LMNTD2: variants seen among roughly 807,000 people sequenced by gnomAD.
The protein encoded by LMNTD2 is lamin tail domain-containing protein 2.
Under a neutral mutation model 70.1 loss-of-function variants are expected in LMNTD2, and 83 were observed. The observed-to-expected ratio is 1.18, with a 90% CI of 0.99 to 1.42. LMNTD2 has a LOEUF of 1.42. Among genes scored for constraint, LMNTD2 ranks in the 40% most tolerant of loss-of-function variants. The probability of loss-of-function intolerance (pLI) is 0.00; values close to 1 mark genes in which losing one functional copy is unlikely to be tolerated. For missense variants in LMNTD2, 1,153 were observed against 905.9 expected (o/e 1.27, Z -3.50); for synonymous variants, 534 against 406.1 (o/e 1.31, Z -3.79).
Position 558,037 on chromosome 11 carries a change from C to G in LMNTD2, c.402G>C (p.Glu134Asp). The part of the protein sequence containing the change: ...LKEQKERAQW[E>D]KEHLEERLLQ... ...GCAGCCGCTCCTCCAGGTGCTCCTTCTCCTGCTCCGAGAGGGCCTGTGGTT... is the reference window on the plus strand; with the variant it reads ...GCAGCCGCTCCTCCAGGTGCTCCTTGTCCTGCTCCGAGAGGGCCTGTGGTT... The change falls in exon 5 of 14, where the codon GAG (glutamate) becomes GAC (aspartate). Residue 134 changes from glutamate to aspartate, a missense_variant and splice_region_variant. By Grantham distance (45) the Glu-to-Asp change is conservative (BLOSUM62 2). Coordinates refer to ENST00000329451, the MANE Select transcript of LMNTD2 (RefSeq NM_173573.3). 1.3e-6 allele frequency: 2 copies of G among 1,581,210 alleles called. No individual in the cohort carries two copies. Among genetic ancestry groups the G allele is most frequent in the Non-Finnish European group, 1.7e-6 (2 of 1,162,118 alleles).
intron 9 of LMNTD2, 34 bp from the exon 10 acceptor site, chr11:556,409 G>T: frequency 6.5e-7 from 1 of 1,540,822 alleles, no homozygotes; most frequent in Non-Finnish European, 8.7e-7. Context: ...AGGAGATGCG[G>T]CCGGTCCACC....
rs1321896851 is a variant in LMNTD2 at position 555,380 on chromosome 11, G to A, written c.1698C>T (p.Pro566=). ...PQHLPAIPGD[P]TLPSPPAEAG... The stretch of plus-strand genomic sequence containing the variant: ...CCTCTGCGGGAGGCGACGGCAGGGT[G>A]GGGTCACCCGGGATGGCGGGCAGGT... The change falls in exon 13 of 14, where the codon CCC becomes CCT. Residue 566 remains proline, a synonymous_variant. Transcript: ENST00000329451. 1.4e-6 allele frequency: 2 copies of A among 1,414,422 alleles called. No homozygotes were observed. The highest frequency in any genetic ancestry group is 3.1e-5 in the Admixed American group (1 of 32,102). The allele number at this position is 1,414,422 out of a possible 1,614,324, so 87.6% of individuals were successfully genotyped here.
chr11:558,411 G>A (rs1369633069), intron 3 of LMNTD2, 163 bp from the exon 4 acceptor site: 4 of 1,071,710 alleles, frequency 3.7e-6, no homozygotes, highest in Admixed American at 2.8e-5. Flanking sequence ...GGCTGGTCTG[G>A]ACAAGGGTCT....
At position 555,354 on chromosome 11, in the gene LMNTD2, G is replaced by C. The variant is rs377072542; in HGVS notation, c.1724C>G (p.Ala575Gly). Residue 575 changes from alanine to glycine, a missense_variant, in exon 13 of 14, where the codon GCC becomes GGC. Transcript: ENST00000329451. The stretch of plus-strand genomic sequence containing the variant: ...CCGACAGTCCTCCAGGCCCAGCCCG[G>C]CCTCTGCGGGAGGCGACGGCAGGGT... ...DPTLPSPPAE[A>G]GLGLEDCRLQ... 2.0e-5 allele frequency: 29 copies of C among 1,423,348 alleles called. No individual in the cohort carries two copies. The highest frequency in any genetic ancestry group is 1.8e-6 in the Non-Finnish European group (2 of 1,091,824). The allele number at this position is 1,423,348 out of a possible 1,614,324, so 88.2% of individuals were successfully genotyped here.
At chr11:559,341 A>C (rs992292035) in intron 1 of LMNTD2, 6 of 1,358,400 alleles carry the variant, frequency 4.4e-6, no homozygotes, top group African/African-American at 1.5e-5. Context: ...TACCCCCAGC[A>C]CTCACCTGAG....
At position 558,713 on chromosome 11, in the gene LMNTD2, C is replaced by G. The variant is rs148047813; in HGVS notation, c.212G>C (p.Arg71Pro). 20 of 1,606,622 alleles carry G rather than the reference C, an allele frequency of 1.2e-5. No homozygotes were observed. The highest frequency in any genetic ancestry group is 2.7e-5 in the African/African-American group (2 of 74,834). Residue 71 changes from arginine (R) to proline (P), a missense_variant, in exon 3 of 14, where the codon CGA becomes CCA. Physicochemically the swap from Arg to Pro is moderately radical, Grantham distance 103 (BLOSUM62 -2). Coordinates refer to ENST00000329451, the MANE Select transcript of LMNTD2 (RefSeq NM_173573.3). ...PRTLRLLWRQ[R>P]ELEIQALRWA... is the part of the protein sequence containing the mutation. ...CCGCAAGGCCTGGATCTCCAGTTCT[C>G]GCTGTCTCCACAGCAGCCGCAGTGT...
intron 1 of LMNTD2, chr11:559,544 G>A (rs991597174): frequency 2.5e-6 from 3 of 1,221,644 alleles, no homozygotes; most frequent in South Asian, 2.8e-5. Flanking sequence ...CTTAGCGGGG[G>A]GACCACTTAG....
Position 560,680 on chromosome 11 carries a change from T to C in LMNTD2, c.34+3A>G. The C allele has an allele frequency of 2.8e-6, 4 of 1,435,986 alleles. No individual in the cohort carries two copies. Among genetic ancestry groups the C allele is most frequent in the Non-Finnish European group, 2.8e-6 (3 of 1,085,636 alleles). 89.0% of individuals were successfully genotyped at this position (1,435,986 alleles called of 1,614,324 possible). A position where few individuals can be genotyped will look rare whatever the true frequency, so the allele number is the denominator to read the frequency against. On this transcript the variant is annotated splice_donor_region_variant and intron_variant, in intron 1 of 13. Transcript: ENST00000329451. ...CGGCCCAGGAGCGGGGCCAGACACC[T>C]ACCCCGACGCCTGCCCGCGGGCCGC...
chr11:559,308 CTT>C (rs1241740132), intron 1 of LMNTD2: 16 of 1,416,008 alleles, frequency 1.1e-5, no homozygotes, highest in Middle Eastern at 1.9e-4. Flanking sequence ...CTTTCTCTCT[CTT>C]GTCCCCCCAG....
At position 558,058 on chromosome 11, in the gene LMNTD2, T is replaced by C; in HGVS notation, c.400-19A>G. 2 of 1,585,376 alleles carry C rather than the reference T, an allele frequency of 1.3e-6. No homozygotes were observed. The highest frequency in any genetic ancestry group is 8.6e-7 in the Non-Finnish European group (1 of 1,165,218). On this transcript the variant is annotated intron_variant, in intron 4 of 13. Transcript: ENST00000329451. Reference sequence around the variant, plus strand: ...CCTTCTCCTGCTCCGAGAGGGCCTGTGGTTGGTGGTGGGGGGGTGTCTTCT... The same window carrying C: ...CCTTCTCCTGCTCCGAGAGGGCCTGCGGTTGGTGGTGGGGGGGTGTCTTCT...
intron 1 of LMNTD2, 177 bp from the exon 2 acceptor site, chr11:559,156 G>A: frequency 6.8e-7 from 1 of 1,462,992 alleles, no homozygotes; most frequent in Non-Finnish European, 9.0e-7. Context: ...ACAGAGCGTT[G>A]CTCTCTGAAG....
chr11:559,526 C>T lies in LMNTD2; in HGVS notation c.35-547G>A, dbSNP rs7103770. ...GGAGGAGGTGTGAGAGGCTGAGCCACTGCTCAGCTTAGCGGGGGGACCACT... is the reference window on the plus strand; with the variant it reads ...GGAGGAGGTGTGAGAGGCTGAGCCATTGCTCAGCTTAGCGGGGGGACCACT... On this transcript the variant is annotated intron_variant, in intron 1 of 13. Coordinates refer to ENST00000329451, the MANE Select transcript of LMNTD2 (RefSeq NM_173573.3). 1,027 of 1,259,682 alleles carry T rather than the reference C, an allele frequency of 8.2e-4. 7 individuals carry two copies. The Middle Eastern group carries it at 0.014, about 18-fold the overall frequency. 78.0% of individuals were successfully genotyped at this position (1,259,682 alleles called of 1,614,324 possible).
chr11:558,553 A>T, intron 3 of LMNTD2, 61 bp downstream of exon 3: 1 of 1,539,362 alleles, frequency 6.5e-7, no homozygotes, highest in Non-Finnish European at 8.8e-7. Context: ...GTCAGACAGA[A>T]ACCAGGAGTC....
rs1184452627 is a variant in LMNTD2 at position 555,805 on chromosome 11, C to T, written c.1503G>A (p.Lys501=). ...GCAGGGGTCGAGGTGGGCGCGGCGGCTTGCGGGTGTCGGCGCCGGGCCCGG... is the reference window on the plus strand; with the variant it reads ...GCAGGGGTCGAGGTGGGCGCGGCGGTTTGCGGGTGTCGGCGCCGGGCCCGG... ...PEAGPGADTR[K]PPRPPRPLRK... The change falls in exon 12 of 14, where the codon AAG becomes AAA. Residue 501 remains lysine (K), a synonymous_variant. Coordinates refer to ENST00000329451, the MANE Select transcript of LMNTD2 (RefSeq NM_173573.3). The T allele has an allele frequency of 1.3e-6, 2 of 1,526,624 alleles. No individual in the cohort carries two copies. The highest frequency in any genetic ancestry group is 1.7e-6 in the Non-Finnish European group (2 of 1,148,634). The allele number at this position is 1,526,624 out of a possible 1,614,324, so 94.6% of individuals were successfully genotyped here.
Position 558,657 on chromosome 11 carries a change from G to T in LMNTD2, c.268C>A (p.Leu90Ile), listed in dbSNP as rs1016127085. 3 of 1,606,674 alleles carry T rather than the reference G, an allele frequency of 1.9e-6. No individual in the cohort carries two copies. Among genetic ancestry groups the T allele is most frequent in the Admixed American group, 1.7e-5 (1 of 59,356 alleles). ...WAIQNGEDARLCHILEEVAGL... is the reference protein window; with the variant it reads ...WAIQNGEDARICHILEEVAGL... Reference sequence around the variant, plus strand: ...GCCACCTCTTCCAGGATGTGGCAGAGCCGGGCGTCCTCGCCATTCTGGATG... The same window carrying T: ...GCCACCTCTTCCAGGATGTGGCAGATCCGGGCGTCCTCGCCATTCTGGATG... Residue 90 changes from leucine to isoleucine, a missense_variant, in exon 3 of 14, where the codon CTC becomes ATC. Leu to Ile is a conservative substitution (Grantham distance 5). Transcript: ENST00000329451.
Position 558,943 on chromosome 11 carries a change from G to A in LMNTD2, c.71C>T (p.Ala24Val), listed in dbSNP as rs1853085560. 1.9e-6 allele frequency: 3 copies of A among 1,605,478 alleles called. No individual in the cohort carries two copies. The highest frequency in any genetic ancestry group is 1.7e-4 in the Middle Eastern group (1 of 6,058). ...ESVSGHLGPPAGAPAAPETPT... is the reference protein window; with the variant it reads ...ESVSGHLGPPVGAPAAPETPT... The stretch of plus-strand genomic sequence containing the variant: ...AGTCTCGGGGGCTGCAGGTGCGCCT[G>A]CTGGAGGTCCCAGGTGACCACTGAC... The change falls in exon 2 of 14, where the codon GCA becomes GTA. Residue 24 changes from alanine (A) to valine (V), a missense_variant. Coordinates refer to ENST00000329451, the MANE Select transcript of LMNTD2 (RefSeq NM_173573.3).
intron 3 of LMNTD2, 147 bp from the exon 4 acceptor site, chr11:558,395 G>C: frequency 9.1e-7 from 1 of 1,096,256 alleles, no homozygotes; most frequent in South Asian, 1.6e-5. Context: ...GGGCTGGCCA[G>C]CCTCCGGCTG....
chr11:558,411 G>C (rs1369633069), intron 3 of LMNTD2, 163 bp from the exon 4 acceptor site: 2 of 1,071,592 alleles, frequency 1.9e-6, no homozygotes, highest in Non-Finnish European at 2.6e-6. Flanking sequence ...GGCTGGTCTG[G>C]ACAAGGGTCT....
In LMNTD2 at chr11:554,989, G is replaced by A. The variant is rs1160384839; in HGVS notation, c.1896C>T (p.Arg632=). ...SCLPVTADTC[R]GA ...CCCCACTCCTCCGCCCCTAGGCGCCGCGGCAGGTGTCCGCGGTGACCGGCA... is the reference window on the plus strand; with the variant it reads ...CCCCACTCCTCCGCCCCTAGGCGCCACGGCAGGTGTCCGCGGTGACCGGCA... Residue 632 remains arginine (R), a synonymous_variant, in exon 14 of 14, where the codon CGC becomes CGT. Transcript: ENST00000329451. The A allele has an allele frequency of 4.4e-6, 7 of 1,583,330 alleles. No individual in the cohort carries two copies. The highest frequency in any genetic ancestry group is 1.1e-5 in the South Asian group (1 of 87,594).
Sources: gnomAD v4.1 joint callset for allele counts on GRCh38, gnomAD v4.1.1 for gene constraint, MANE v1.5 for transcripts, NCBI Gene and HGNC (gene_info 2026-07-23, HGNC 2026-07-21) for gene names.